The following FARS2 variants were observed in gnomAD, a reference collection of about 807,000 sequenced individuals.
FARS2 encodes the protein phenylalanyl-tRNA synthetase 2, mitochondrial, also known as phenylalanine--tRNA ligase, mitochondrial.
FARS2 carries 40 observed loss-of-function variants against 46.4 expected under a neutral mutation model. The ratio of observed to expected loss-of-function variants is 0.86; its 90% confidence interval spans 0.67 to 1.12. The LOEUF is 1.12. Among genes scored for constraint, FARS2 ranks in the 50% most tolerant of loss-of-function variants. FARS2 has a pLI of 0.00. For missense variants in FARS2, 513 were observed against 567.9 expected (o/e 0.90, Z 0.98); for synonymous variants, 234 against 214.9 (o/e 1.09, Z -0.78).
At chr6:5,272,791 AAT>A (rs1195036867) in intron 1 of FARS2, among the ~76,000 whole-genome samples, 2 of 152,168 alleles carry the variant, frequency 1.3e-5, no homozygotes, top group Admixed American at 6.5e-5. Flanking sequence ...CTTGCTAGTC[AAT>A]GTCTCTGCAT....
At chr6:5,433,764 T>C (rs1044932154) in intron 4 of FARS2, among the ~76,000 whole-genome samples, 1 of 152,202 alleles carries the variant, frequency 6.6e-6, no homozygotes, top group Non-Finnish European at 1.5e-5. Context: ...GAGTGCCTGG[T>C]GTCAGGGGGC....
rs959559887 is a variant in FARS2, at chr6:5,268,810, C to T, written c.-22+7150C>T. 5.3e-5 allele frequency among the ~76,000 whole-genome samples: 8 copies of T among 152,058 alleles called. No homozygotes were observed. The South Asian group carries it at 6.2e-4, about 12-fold the overall frequency. On this transcript the variant is annotated intron_variant, in intron 1 of 6. Transcript: ENST00000274680. Reference sequence around the variant, plus strand: ...ACCTTGGGCAGTATGGCCATTTTCACGATATTGATTCTTCCTATCCATGAG... The same window carrying T: ...ACCTTGGGCAGTATGGCCATTTTCATGATATTGATTCTTCCTATCCATGAG...
rs545058273 is a variant in FARS2, at chr6:5,696,702, T to G, written c.1218-74589T>G. ...TCATTAACAATTATCTACTGAGGAC[T>G]GGAATTGAGGGTATTATCTACTTTG... On this transcript the variant is annotated intron_variant, in intron 6 of 6. Coordinates refer to ENST00000274680, the MANE Select transcript of FARS2 (RefSeq NM_006567.5). Among the ~76,000 whole-genome samples the G allele has an allele frequency of 6.2e-4, 94 of 152,360 alleles. 3 individuals are homozygous for G. Among genetic ancestry groups the G allele is most frequent in the African/African-American group, 1.9e-3 (80 of 41,582 alleles).
At chr6:5,739,524 G>A (rs1457021058) in intron 6 of FARS2, among the ~76,000 whole-genome samples, 7 of 152,174 alleles carry the variant, frequency 4.6e-5, no homozygotes, top group African/African-American at 1.7e-4. Context: ...CTTAGGAGAA[G>A]GAATTTGTGA....
In FARS2 at chr6:5,668,686, G is replaced by GTTT. The variant is rs58819474; in HGVS notation, c.1217+55388_1217+55390dup. 2.0e-3 allele frequency among the ~76,000 whole-genome samples: 108 copies of GTTT among 53,414 alleles called. 1 individual carries two copies. The highest frequency in any genetic ancestry group is 3.0e-3 in the African/African-American group (45 of 14,800). 35.0% of individuals were successfully genotyped at this position (53,414 alleles called of 152,430 possible). A position where few individuals can be genotyped will look rare whatever the true frequency, so the allele number is the denominator to read the frequency against. Reference sequence around the variant, plus strand: ...GCAAGTTTCTTTTTTGTGTGTTTGGGTTTTTTTTTTTTTTTTTTTTTTTTG... The same window carrying GTTT: ...GCAAGTTTCTTTTTTGTGTGTTTGGGTTTTTTTTTTTTTTTTTTTTTTTTTTTG... On this transcript the variant is annotated intron_variant, in intron 6 of 6. Transcript: ENST00000274680.
At chr6:5,370,723 A>G (rs2432807) in intron 2 of FARS2, among the ~76,000 whole-genome samples, 29,886 of 152,182 alleles carry the variant, frequency 0.2, 3,467 homozygotes, top group East Asian at 0.49. Flanking sequence ...AGGCTGCCAC[A>G]GAAGATGGGA....
Position 5,577,320 on chromosome 6 carries a change from A to G in FARS2, c.1065+31980A>G, listed in dbSNP as rs143997202. 4.6e-3 allele frequency among the ~76,000 whole-genome samples: 687 copies of G among 150,746 alleles called. 7 individuals are homozygous for G. The highest frequency in any genetic ancestry group is 0.015 in the African/African-American group (629 of 40,990). ...ATTAGAATCCAAGGTATTGATATAA[A>G]CTCATGGTTTTTTACACTGAAAATA... On this transcript the variant is annotated intron_variant, in intron 5 of 6. Transcript: ENST00000274680.
At chr6:5,442,507 G>C (rs896373148) in intron 4 of FARS2, among the ~76,000 whole-genome samples, 1 of 152,098 alleles carries the variant, frequency 6.6e-6, no homozygotes, top group Non-Finnish European at 1.5e-5. Flanking sequence ...GGGATTGTGT[G>C]TGGGTGTAAG....
At chr6:5,537,855 C>T (rs1236155575) in intron 4 of FARS2, among the ~76,000 whole-genome samples, 1 of 152,092 alleles carries the variant, frequency 6.6e-6, no homozygotes, top group Non-Finnish European at 1.5e-5. Context: ...TTGCCATTCT[C>T]CTCCTCCTCC....
intron 4 of FARS2, among the ~76,000 whole-genome samples, chr6:5,462,056 C>T (rs1765272608): frequency 6.6e-6 from 1 of 152,198 alleles, no homozygotes; most frequent in Non-Finnish European, 1.5e-5. Flanking sequence ...TTCTCTACAT[C>T]TTCACCAACA....
intron 1 of FARS2, among the ~76,000 whole-genome samples, chr6:5,336,447 C>T (rs1037844587): frequency 6.6e-6 from 1 of 151,274 alleles, no homozygotes; most frequent in Non-Finnish European, 1.5e-5. Context: ...ATCTCATAAA[C>T]CTATGGTCAG....
chr6:5,456,079 A>T (rs175362), intron 4 of FARS2, among the ~76,000 whole-genome samples: 1 of 151,890 alleles, frequency 6.6e-6, no homozygotes, highest in East Asian at 1.9e-4. Flanking sequence ...AGCCAGGCAC[A>T]TTAGCGTGCA....
At chr6:5,266,291 G>A (rs1227658849) in intron 1 of FARS2, among the ~76,000 whole-genome samples, 1 of 152,112 alleles carries the variant, frequency 6.6e-6, no homozygotes, top group Non-Finnish European at 1.5e-5. Flanking sequence ...ATATGTTTTA[G>A]GCATGAGATG....
chr6:5,519,526 C>T (rs1247933472), intron 4 of FARS2, among the ~76,000 whole-genome samples: 1 of 148,656 alleles, frequency 6.7e-6, no homozygotes, highest in Non-Finnish European at 1.5e-5. Context: ...AGAAAGAGGT[C>T]ATGATTTTAG....
At chr6:5,280,789 A>T (rs960276549) in intron 1 of FARS2, among the ~76,000 whole-genome samples, 1 of 152,020 alleles carries the variant, frequency 6.6e-6, no homozygotes, top group Admixed American at 6.6e-5. Flanking sequence ...CTCAGAAAGT[A>T]TGTAGGTTTA....
intron 6 of FARS2, among the ~76,000 whole-genome samples, chr6:5,640,672 C>T (rs1322045288): frequency 2.0e-5 from 3 of 152,208 alleles, no homozygotes; most frequent in Non-Finnish European, 4.4e-5. Context: ...GCCTCTAGGC[C>T]GACTTGTCAC....
chr6:5,550,908 A>C (rs1771333973), intron 5 of FARS2, among the ~76,000 whole-genome samples: 2 of 152,174 alleles, frequency 1.3e-5, no homozygotes, highest in African/African-American at 4.8e-5. Context: ...TGTTTGACTA[A>C]ATACCCTGAT....
intron 2 of FARS2, among the ~76,000 whole-genome samples, chr6:5,395,448 G>T (rs904957833): frequency 6.6e-6 from 1 of 152,096 alleles, no homozygotes; most frequent in African/African-American, 2.4e-5. Context: ...GACTATAAAA[G>T]ATATTCTTTG....
At chr6:5,267,056 G>A (rs1765594079) in intron 1 of FARS2, among the ~76,000 whole-genome samples, 1 of 151,792 alleles carries the variant, frequency 6.6e-6, no homozygotes. Flanking sequence ...TTCATTGATT[G>A]GAGGCTAAGG....
Sources: allele counts gnomAD v4.1 joint callset (sites outside exome capture counted in the v4.1 genomes callset), GRCh38; gene constraint gnomAD v4.1.1; transcripts MANE v1.5; gene names NCBI Gene and HGNC (gene_info 2026-07-23, HGNC 2026-07-21).